ZDHHC14: variants seen among roughly 807,000 people sequenced by gnomAD.
The protein encoded by ZDHHC14 is palmitoyltransferase ZDHHC14.
ZDHHC14 carries 16 observed loss-of-function variants against 47.7 expected under a neutral mutation model. The observed-to-expected ratio is 0.34, with a 90% CI of 0.23 to 0.51. ZDHHC14 has a LOEUF of 0.51. Among genes scored for constraint, ZDHHC14 ranks in the 20% least tolerant of loss-of-function variants. The probability of loss-of-function intolerance (pLI) is 0.97; values close to 1 mark genes in which losing one functional copy is unlikely to be tolerated. For missense variants in ZDHHC14, 515 were observed against 662.5 expected, an observed-to-expected ratio of 0.78 and a Z score of 2.44; for synonymous variants, 293 against 278.9, an observed-to-expected ratio of 1.05 and a Z score of -0.50.
At chr6:157,475,617 G>A (rs1779462797) in intron 1 of ZDHHC14, among the ~76,000 whole-genome samples, 1 of 151,912 alleles carries the variant, frequency 6.6e-6, no homozygotes, top group Admixed American at 6.6e-5. Flanking sequence ...GTATTTTTTG[G>A]TAACTCTTGT....
At chr6:157,462,598 G>T (rs1214209001) in intron 1 of ZDHHC14, among the ~76,000 whole-genome samples, 4 of 152,248 alleles carry the variant, frequency 2.6e-5, no homozygotes, top group Non-Finnish European at 4.4e-5. Flanking sequence ...TGGCTTCAGA[G>T]GATCTCTTTG....
intron 2 of ZDHHC14, among the ~76,000 whole-genome samples, chr6:157,591,931 A>C (rs1224581078): frequency 6.6e-6 from 1 of 152,166 alleles, no homozygotes; most frequent in Non-Finnish European, 1.5e-5. Flanking sequence ...TCAGCCACAG[A>C]GTCTCAGCTG....
intron 2 of ZDHHC14, among the ~76,000 whole-genome samples, chr6:157,563,390 G>A (rs1346328613): frequency 6.6e-6 from 1 of 152,224 alleles, no homozygotes; most frequent in Non-Finnish European, 1.5e-5. Context: ...AGGAGTGGCT[G>A]GTTTCTGCCT....
At chr6:157,561,299 G>C (rs1361493609) in intron 2 of ZDHHC14, among the ~76,000 whole-genome samples, 2 of 152,324 alleles carry the variant, frequency 1.3e-5, no homozygotes. Flanking sequence ...TCAAACACCT[G>C]CTGAGCAGCT....
intron 2 of ZDHHC14, among the ~76,000 whole-genome samples, chr6:157,576,361 T>A (rs1350666900): frequency 6.6e-6 from 1 of 152,206 alleles, no homozygotes; most frequent in African/African-American, 2.4e-5. Context: ...TTTGCTCTAC[T>A]TTTTTCCCAA....
chr6:157,590,647 G>A (rs1582986618), intron 2 of ZDHHC14, among the ~76,000 whole-genome samples: 1 of 152,250 alleles, frequency 6.6e-6, no homozygotes, highest in Non-Finnish European at 1.5e-5. Flanking sequence ...ACCTCTGTTA[G>A]GGCAGTGCAG....
intron 1 of ZDHHC14, among the ~76,000 whole-genome samples, chr6:157,461,499 C>T (rs1405720878): frequency 6.6e-6 from 1 of 152,116 alleles, no homozygotes; most frequent in Non-Finnish European, 1.5e-5. Context: ...TACGGCCCAG[C>T]CCCATCACTC....
chr6:157,623,905 C>G (rs1785296953), intron 3 of ZDHHC14, among the ~76,000 whole-genome samples: 1 of 152,124 alleles, frequency 6.6e-6, no homozygotes, highest in African/African-American at 2.4e-5. Context: ...AAAGACCACT[C>G]CCTTTTGGCA....
chr6:157,606,600 C>T (rs1012589425), intron 3 of ZDHHC14, among the ~76,000 whole-genome samples: 1 of 152,214 alleles, frequency 6.6e-6, no homozygotes, highest in Admixed American at 6.5e-5. Context: ...CCCATGGCCT[C>T]GAGAGAATGA....
intron 1 of ZDHHC14, among the ~76,000 whole-genome samples, chr6:157,515,011 T>C (rs1033029946): frequency 1.3e-5 from 2 of 152,214 alleles, no homozygotes; most frequent in African/African-American, 4.8e-5. Flanking sequence ...AAGGATGCTA[T>C]GTATTTAGTG....
chr6:157,576,656 A>G (rs1175778893), intron 2 of ZDHHC14, among the ~76,000 whole-genome samples: 1 of 152,218 alleles, frequency 6.6e-6, no homozygotes, highest in Non-Finnish European at 1.5e-5. Flanking sequence ...TTCAATAGAT[A>G]TAGTCACAGA....
chr6:157,409,144 G>A (rs768862216), intron 1 of ZDHHC14, among the ~76,000 whole-genome samples: 2 of 152,222 alleles, frequency 1.3e-5, no homozygotes, highest in Non-Finnish European at 2.9e-5. Flanking sequence ...AGTCTGTCTT[G>A]TACTTCATGT....
chr6:157,652,189 A>G (rs1777871289), intron 7 of ZDHHC14, among the ~76,000 whole-genome samples: 4 of 152,084 alleles, frequency 2.6e-5, no homozygotes, highest in Admixed American at 6.5e-5. Context: ...AGAGAGTCCC[A>G]TTTGAGGATC....
intron 8 of ZDHHC14, among the ~76,000 whole-genome samples, chr6:157,670,736 C>A (rs1344330444): frequency 2.0e-5 from 3 of 151,718 alleles, no homozygotes; most frequent in Non-Finnish European, 4.4e-5. Flanking sequence ...AGGCTAAAGC[C>A]ACAGAAAAGC....
chr6:157,571,155 C>T lies in ZDHHC14; in HGVS notation c.407-21833C>T, dbSNP rs138075079. On this transcript the variant is annotated intron_variant, in intron 2 of 8. Coordinates refer to ENST00000359775, the MANE Select transcript of ZDHHC14 (RefSeq NM_024630.3). The stretch of plus-strand genomic sequence containing the variant: ...TTTTGAACATTGATGTTTGCCACTC[C>T]GCATTCACGTTAAAGTTCAAGCAAA... Among the ~76,000 whole-genome samples, 62 of 152,298 alleles carry T rather than the reference C, an allele frequency of 4.1e-4. No individual in the cohort carries two copies. The East Asian group carries it at 7.5e-3, about 18-fold the overall frequency.
At chr6:157,597,954 A>G (rs1784196880) in intron 3 of ZDHHC14, among the ~76,000 whole-genome samples, 1 of 152,174 alleles carries the variant, frequency 6.6e-6, no homozygotes, top group Non-Finnish European at 1.5e-5. Context: ...AAATCCTTAC[A>G]GGCTCTCTTT....
At chr6:157,593,180 C>G (rs1447222657) in intron 3 of ZDHHC14, 34 bp downstream of exon 3, 6 of 1,582,534 alleles carry the variant, frequency 3.8e-6, no homozygotes, top group South Asian at 3.5e-5. Flanking sequence ...TGGCGGGAGC[C>G]CGGGTCCTCC....
intron 1 of ZDHHC14, among the ~76,000 whole-genome samples, chr6:157,461,190 A>G (rs1779078076): frequency 6.6e-6 from 1 of 151,676 alleles, no homozygotes; most frequent in South Asian, 2.1e-4. Flanking sequence ...ACAGTATCTC[A>G]TTGAGTTTGA....
chr6:157,485,912 C>T (rs1779767989), intron 1 of ZDHHC14, among the ~76,000 whole-genome samples: 1 of 152,202 alleles, frequency 6.6e-6, no homozygotes, highest in Non-Finnish European at 1.5e-5. Context: ...ACTCGGGAGG[C>T]TGAGGCTGGA....
Sources: allele counts gnomAD v4.1 joint callset (sites outside exome capture counted in the v4.1 genomes callset), GRCh38; gene constraint gnomAD v4.1.1; transcripts MANE v1.5; gene names NCBI Gene and HGNC (gene_info 2026-07-23, HGNC 2026-07-21).